Variants in ZNF146 observed in about 807,000 individuals in gnomAD.
ZNF146 encodes zinc finger protein OZF.
In ZNF146, 9 loss-of-function variants were observed where a neutral mutation model predicts 22.2. The observed-to-expected ratio is 0.41, with a 90% CI of 0.24 to 0.71. The LOEUF is 0.71. Among genes scored for constraint, ZNF146 ranks in the 30% least tolerant of loss-of-function variants. The probability of loss-of-function intolerance (pLI) is 0.34; values close to 1 mark genes in which losing one functional copy is unlikely to be tolerated. For synonymous variants in ZNF146, 108 were observed against 119.2 expected, an observed-to-expected ratio of 0.91 and a Z score of 0.61; for missense variants, 194 against 344.8, an observed-to-expected ratio of 0.56 and a Z score of 3.46.
rs10590776 is a variant in ZNF146 at position 36,217,885 on chromosome 19, CA to C, written c.-928-220del. Reference sequence around the variant, plus strand: ...GGGCAACGAGAGTGAAACTCCATCTCAAAAAAAAAAAAAAAAATTCAAAAGA... The same window carrying C: ...GGGCAACGAGAGTGAAACTCCATCTCAAAAAAAAAAAAAAAATTCAAAAGA... On this transcript the variant is annotated intron_variant, in intron 1 of 3. Transcript: ENST00000443387. Among the ~76,000 whole-genome samples, 987 of 133,218 alleles carry C rather than the reference CA, an allele frequency of 7.4e-3. 4 individuals carry two copies. The highest frequency in any genetic ancestry group is 0.026 in the Middle Eastern group (7 of 266). The allele number at this position is 133,218 out of a possible 152,430, so 87.4% of individuals were successfully genotyped here.
intron 2 of ZNF146, among the ~76,000 whole-genome samples, chr19:36,223,337 C>G (rs572415973): frequency 7.1e-6 from 1 of 140,132 alleles, no homozygotes; most frequent in East Asian, 2.0e-4. Context: ...AGTGAGACTC[C>G]GTCTCAAAAA....
chr19:36,237,333 G>C lies in ZNF146; in HGVS notation c.*14G>C. The C allele has an allele frequency of 6.4e-7, 1 of 1,570,232 alleles. No homozygotes were observed. The highest frequency in any genetic ancestry group is 1.2e-5 in the South Asian group (1 of 84,248). On this transcript the variant is annotated 3_prime_UTR_variant, in exon 4 of 4. Coordinates refer to ENST00000443387, the MANE Select transcript of ZNF146 (RefSeq NM_007145.3). ...CATACTCACTAAAAACCCCATGAAAGCCTTGAAAGTGGGAAAGCTTTCATT... is the reference window on the plus strand; with the variant it reads ...CATACTCACTAAAAACCCCATGAAACCCTTGAAAGTGGGAAAGCTTTCATT...
intron 2 of ZNF146, among the ~76,000 whole-genome samples, chr19:36,224,267 A>G (rs570420380): frequency 3.3e-5 from 5 of 152,324 alleles, no homozygotes; most frequent in Admixed American, 3.3e-4. Context: ...CCTGAATCCC[A>G]GCTATTCGGA....
rs1423040560 is a variant in ZNF146 at position 36,237,825 on chromosome 19, CT to C, written c.*507del. 1.8e-5 allele frequency: 3 copies of C among 166,998 alleles called. No individual in the cohort carries two copies. The highest frequency in any genetic ancestry group is 7.2e-5 in the African/African-American group (3 of 41,404). 10.3% of individuals were successfully genotyped at this position (166,998 alleles called of 1,614,324 possible). On this transcript the variant is annotated 3_prime_UTR_variant, in exon 4 of 4. Transcript: ENST00000443387. ...ATCAGGAAATGAGGAAATAATGGAA[CT>C]ATTTTTTTTAAGTGGAGGTAGTTTG...
At chr19:36,234,025 C>T (rs920799595) in intron 3 of ZNF146, among the ~76,000 whole-genome samples, 8 of 152,224 alleles carry the variant, frequency 5.3e-5, no homozygotes, top group African/African-American at 1.9e-4. Context: ...GGCAGAGGTC[C>T]CTGCGGCCTT....
At position 36,238,684 on chromosome 19, in the gene ZNF146, A is replaced by G. The variant is rs1977736231; in HGVS notation, c.*1365A>G. ...ACATTTTATAGAAAATATTTCTAAA[A>G]TTTTATCACGGATGAATGGATGGAC... On this transcript the variant is annotated 3_prime_UTR_variant, in exon 4 of 4. Transcript: ENST00000443387. The G allele has an allele frequency of 6.0e-6, 1 of 167,116 alleles. No homozygotes were observed. The highest frequency in any genetic ancestry group is 1.5e-5 in the Non-Finnish European group (1 of 68,126). The allele number at this position is 167,116 out of a possible 1,614,324, so 10.4% of individuals were successfully genotyped here.
chr19:36,224,863 C>T (rs1181773927), intron 2 of ZNF146, among the ~76,000 whole-genome samples: 3 of 152,078 alleles, frequency 2.0e-5, no homozygotes, highest in Admixed American at 2.0e-4. Flanking sequence ...CAGGTTTGGA[C>T]ACTTCTTACT....
intron 1 of ZNF146, among the ~76,000 whole-genome samples, chr19:36,216,611 TCTCGC>T: frequency 6.8e-6 from 1 of 147,030 alleles, no homozygotes; most frequent in East Asian, 2.0e-4. Context: ...TGAGCCCAGA[TCTCGC>T]CACTGCACTC....
chr19:36,220,520 A>G (rs2145403782), intron 2 of ZNF146, among the ~76,000 whole-genome samples: 1 of 152,164 alleles, frequency 6.6e-6, no homozygotes, highest in East Asian at 1.9e-4. Flanking sequence ...GCATGCCACC[A>G]CGCCCAGCTA....
Position 36,238,719 on chromosome 19 carries a change from A to G in ZNF146, c.*1400A>G, listed in dbSNP as rs1187649284. 1 of 167,090 alleles carries G rather than the reference A, an allele frequency of 6.0e-6. No homozygotes were observed. Among genetic ancestry groups the G allele is most frequent in the Non-Finnish European group, 1.5e-5 (1 of 68,120 alleles). The allele number at this position is 167,090 out of a possible 1,614,324, so 10.4% of individuals were successfully genotyped here. On this transcript the variant is annotated 3_prime_UTR_variant, in exon 4 of 4. Transcript: ENST00000443387. The stretch of plus-strand genomic sequence containing the variant: ...GGATGAATGGATGGACTTGCTCTCT[A>G]TGTAATATGAAATTAATCTATTTTA...
rs746024987 is a variant in ZNF146, at chr19:36,236,617, C to T, written c.177C>T (p.Val59=). ...AAGCCTTTAGCCAAAAGCAGTATGT[C>T]ATTAAACATCAGAACACCCATACTG... is the stretch of plus-strand genomic sequence containing the variant. ...CGKAFSQKQY[V]IKHQNTHTGE... The change falls in exon 4 of 4, where the codon GTC becomes GTT. Residue 59 remains valine (V), a synonymous_variant. Coordinates refer to ENST00000443387, the MANE Select transcript of ZNF146 (RefSeq NM_007145.3). The T allele has an allele frequency of 1.9e-6, 3 of 1,613,956 alleles. No individual in the cohort carries two copies. Among genetic ancestry groups the T allele is most frequent in the African/African-American group, 2.7e-5 (2 of 74,884 alleles).
At chr19:36,217,342 C>T (rs1360524386) in intron 1 of ZNF146, among the ~76,000 whole-genome samples, 1 of 151,678 alleles carries the variant, frequency 6.6e-6, no homozygotes, top group Non-Finnish European at 1.5e-5. Context: ...GGATTACAGG[C>T]ATGAACCACG....
Position 36,236,891 on chromosome 19 carries a change from A to G in ZNF146, c.451A>G (p.Ile151Val), listed in dbSNP as rs1977663107. ...SNLTEHEKIH[I>V]GEKPFKCSEC... ...CCTTACTGAGCATGAGAAAATCCAT[A>G]TTGGAGAGAAGCCTTTTAAATGTAG... The change falls in exon 4 of 4, where the codon ATT becomes GTT. Residue 151 changes from isoleucine to valine, a missense_variant. By Grantham distance (29) the Ile-to-Val change is conservative (BLOSUM62 3). Coordinates refer to ENST00000443387, the MANE Select transcript of ZNF146 (RefSeq NM_007145.3). 1 of 1,614,072 alleles carries G rather than the reference A, an allele frequency of 6.2e-7. No homozygotes were observed. Among genetic ancestry groups the G allele is most frequent in the African/African-American group, 1.3e-5 (1 of 74,944 alleles).
chr19:36,221,211 G>T (rs1345182038), intron 2 of ZNF146, among the ~76,000 whole-genome samples: 1 of 149,196 alleles, frequency 6.7e-6, no homozygotes, highest in African/African-American at 2.5e-5. Context: ...ATTTGAAATC[G>T]TTTTTCTGAG....
intron 3 of ZNF146, among the ~76,000 whole-genome samples, chr19:36,231,369 C>T (rs1177765501): frequency 6.6e-6 from 1 of 152,028 alleles, no homozygotes; most frequent in Non-Finnish European, 1.5e-5. Flanking sequence ...ACCACCACAC[C>T]CGGCTAATTT....
chr19:36,236,895 G>C lies in ZNF146; in HGVS notation c.455G>C (p.Gly152Ala). ...ACTGAGCATGAGAAAATCCATATTG[G>C]AGAGAAGCCTTTTAAATGTAGTGAA... ...NLTEHEKIHI[G>A]EKPFKCSECG... The change falls in exon 4 of 4, where the codon GGA becomes GCA. Residue 152 changes from glycine (G) to alanine (A), a missense_variant. Gly to Ala is a moderately conservative substitution (Grantham distance 60). This residue lies in a region of ZNF146 where 147 missense variants were observed against 300.1 expected (regional missense o/e 0.49). Transcript: ENST00000443387. 2 of 1,614,120 alleles carry C rather than the reference G, an allele frequency of 1.2e-6. No homozygotes were observed. Among genetic ancestry groups the C allele is most frequent in the South Asian group, 2.2e-5 (2 of 91,058 alleles).
chr19:36,235,218 A>G (rs1977599564), intron 3 of ZNF146, among the ~76,000 whole-genome samples: 1 of 140,474 alleles, frequency 7.1e-6, no homozygotes, highest in South Asian at 2.2e-4. Flanking sequence ...AAAAAAAAAA[A>G]AAGAAGAAAG....
chr19:36,218,834 A>C (rs995489214), intron 2 of ZNF146, among the ~76,000 whole-genome samples: 7 of 136,828 alleles, frequency 5.1e-5, no homozygotes, highest in African/African-American at 1.9e-4. Context: ...GGGGGGACAG[A>C]GTCTCGGTTT....
At chr19:36,233,254 C>T (rs1302052457) in intron 3 of ZNF146, among the ~76,000 whole-genome samples, 3 of 152,084 alleles carry the variant, frequency 2.0e-5, no homozygotes. Context: ...TGATGCATGC[C>T]TGTAATCCCA....
Sources: allele counts gnomAD v4.1 joint callset (sites outside exome capture counted in the v4.1 genomes callset), GRCh38; gene constraint gnomAD v4.1.1; regional missense constraint gnomAD v4.1.1; transcripts MANE v1.5; gene names NCBI Gene and HGNC (gene_info 2026-07-23, HGNC 2026-07-21).